Variants in SGCZ observed in about 807,000 individuals in gnomAD.
SGCZ encodes the protein zeta-sarcoglycan.
SGCZ carries 40 observed loss-of-function variants against 41.3 expected under a neutral mutation model. The ratio of observed to expected loss-of-function variants is 0.97; its 90% CI spans 0.75 to 1.26. The LOEUF is 1.26. SGCZ is among the 50% of genes most tolerant of loss of function. SGCZ has a pLI of 0.00. For missense variants in SGCZ, 552 were observed against 369.8 expected, an observed-to-expected ratio of 1.49 and a Z score of -4.04; for synonymous variants, 206 against 137.5, an observed-to-expected ratio of 1.50 and a Z score of -3.49.
At chr8:14,963,543 T>G (rs1425364625) in intron 1 of SGCZ, among the ~76,000 whole-genome samples, 1 of 152,062 alleles carries the variant, frequency 6.6e-6, no homozygotes, top group Non-Finnish European at 1.5e-5. Context: ...GGACAGGGTT[T>G]CAACATGTTG....
intron 2 of SGCZ, among the ~76,000 whole-genome samples, chr8:14,390,823 T>C (rs1804744879): frequency 6.6e-6 from 1 of 152,086 alleles, no homozygotes; most frequent in African/African-American, 2.4e-5. Context: ...TATATTTTTC[T>C]AGAAGATTAT....
At chr8:15,232,759 A>ATATGTGTGTATATATATACATATG (rs1554482382) in intron 1 of SGCZ, among the ~76,000 whole-genome samples, 1,972 of 141,276 alleles carry the variant, frequency 0.014, 106 homozygotes, top group African/African-American at 0.049. Flanking sequence ...ATATACATAT[A>ATATGTGTGTATATATATACATATG]TATGTGTGTA....
chr8:14,190,623 G>C (rs1359260781), intron 4 of SGCZ, among the ~76,000 whole-genome samples: 1 of 151,740 alleles, frequency 6.6e-6, no homozygotes, highest in African/African-American at 2.4e-5. Context: ...GTTTTTTTGA[G>C]ATGGAGTCTC....
chr8:14,339,530 A>G (rs1365522437), intron 2 of SGCZ, among the ~76,000 whole-genome samples: 2 of 152,186 alleles, frequency 1.3e-5, no homozygotes, highest in Non-Finnish European at 2.9e-5. Flanking sequence ...TTTTCTTTTT[A>G]TTCCACACGA....
intron 1 of SGCZ, among the ~76,000 whole-genome samples, chr8:14,984,691 T>A (rs937508931): frequency 7.2e-5 from 11 of 152,186 alleles, no homozygotes; most frequent in Admixed American, 3.3e-4. Context: ...ATCTTTTGAA[T>A]AATGTAATAT....
chr8:14,595,060 T>C (rs1805364452), intron 1 of SGCZ, among the ~76,000 whole-genome samples: 1 of 150,334 alleles, frequency 6.7e-6, no homozygotes, highest in African/African-American at 2.5e-5. Flanking sequence ...GAAATGGCTT[T>C]ACTTATTTCT....
intron 1 of SGCZ, among the ~76,000 whole-genome samples, chr8:14,805,912 C>G (rs1801507092): frequency 6.7e-6 from 1 of 150,266 alleles, no homozygotes; most frequent in Non-Finnish European, 1.5e-5. Flanking sequence ...AACTAGAACT[C>G]AGGATTAAGA....
chr8:14,204,387 G>C (rs1037168544), intron 4 of SGCZ, among the ~76,000 whole-genome samples: 1 of 151,298 alleles, frequency 6.6e-6, no homozygotes, highest in Non-Finnish European at 1.5e-5. Flanking sequence ...TCCCTGATTT[G>C]AGAGGCAAAT....
intron 1 of SGCZ, among the ~76,000 whole-genome samples, chr8:15,100,737 T>C (rs897917596): frequency 6.6e-6 from 1 of 152,146 alleles, no homozygotes; most frequent in Non-Finnish European, 1.5e-5. Flanking sequence ...AATCCTGGCA[T>C]TTTGGGAGGC....
At chr8:14,348,607 A>T (rs746928125) in intron 2 of SGCZ, among the ~76,000 whole-genome samples, 1 of 152,158 alleles carries the variant, frequency 6.6e-6, no homozygotes, top group Non-Finnish European at 1.5e-5. Flanking sequence ...CTTGGCATAT[A>T]TTCGCTGAAA....
intron 1 of SGCZ, among the ~76,000 whole-genome samples, chr8:14,601,065 T>A (rs1157239284): frequency 1.3e-5 from 2 of 150,216 alleles, no homozygotes; most frequent in African/African-American, 2.4e-5. Context: ...AGTATAAAAT[T>A]ATATAAATAT....
At chr8:14,514,816 T>TACACACAC (rs1491563787) in intron 2 of SGCZ, among the ~76,000 whole-genome samples, 14 of 34,788 alleles carry the variant, frequency 4.0e-4, no homozygotes, top group African/African-American at 5.9e-4. Flanking sequence ...TGTGTGTGTA[T>TACACACAC]ATATACACGC....
At chr8:14,925,576 C>T (rs1799721991) in intron 1 of SGCZ, among the ~76,000 whole-genome samples, 1 of 152,164 alleles carries the variant, frequency 6.6e-6, no homozygotes, top group South Asian at 2.1e-4. Context: ...ACAGCTTGCC[C>T]GTGTGGGTTG....
intron 1 of SGCZ, among the ~76,000 whole-genome samples, chr8:15,176,049 A>G (rs572667629): frequency 6.6e-6 from 1 of 152,334 alleles, no homozygotes; most frequent in South Asian, 2.1e-4. Flanking sequence ...ATTTAAGTGA[A>G]AAAATGGAAG....
At chr8:14,939,852 A>G (rs1448329780) in intron 1 of SGCZ, among the ~76,000 whole-genome samples, 2 of 152,130 alleles carry the variant, frequency 1.3e-5, no homozygotes, top group African/African-American at 2.4e-5. Flanking sequence ...CTACTTTGTC[A>G]CAATTCAAAG....
At chr8:14,247,512 C>A (rs192049777) in intron 3 of SGCZ, among the ~76,000 whole-genome samples, 2 of 152,180 alleles carry the variant, frequency 1.3e-5, no homozygotes, top group African/African-American at 2.4e-5. Flanking sequence ...GAAACAAATG[C>A]TTCTAGACTC....
At chr8:14,913,806 G>T (rs748602412) in intron 1 of SGCZ, among the ~76,000 whole-genome samples, 1 of 150,560 alleles carries the variant, frequency 6.6e-6, no homozygotes, top group Non-Finnish European at 1.5e-5. Context: ...GGCAAGAAAG[G>T]CAGCACATAT....
At chr8:14,521,373 T>C (rs1186693863) in intron 2 of SGCZ, among the ~76,000 whole-genome samples, 1 of 152,162 alleles carries the variant, frequency 6.6e-6, no homozygotes, top group Non-Finnish European at 1.5e-5. Flanking sequence ...CAGGTCCTTG[T>C]GTGTATTGAT....
intron 1 of SGCZ, among the ~76,000 whole-genome samples, chr8:14,873,397 T>A (rs1442274036): frequency 6.6e-6 from 1 of 152,124 alleles, no homozygotes; most frequent in African/African-American, 2.4e-5. Context: ...ATAGATTGCC[T>A]CTGGATAACT....
Sources: allele counts gnomAD v4.1 joint callset (sites outside exome capture counted in the v4.1 genomes callset), GRCh38; gene constraint gnomAD v4.1.1; transcripts MANE v1.5; gene names NCBI Gene and HGNC (gene_info 2026-07-23, HGNC 2026-07-21).